The following PGR variants were observed in gnomAD, a reference collection of about 807,000 sequenced individuals.
PGR encodes the protein nuclear receptor subfamily 3 group C member 3.
PGR carries 25 observed loss-of-function variants against 76.1 expected under a neutral mutation model. That is an observed-to-expected ratio of 0.33 (90% CI 0.24 to 0.46). PGR has a LOEUF of 0.46. Ranked by LOEUF, PGR falls within the 20% of genes least tolerant of loss-of-function variation. The probability of loss-of-function intolerance (pLI) is 1.00; values close to 1 mark genes in which losing one functional copy is unlikely to be tolerated. For synonymous variants in PGR, 579 were observed against 535.0 expected (o/e 1.08, Z -1.14); for missense variants, 1,172 against 1,225.3 (o/e 0.96, Z 0.65).
chr11:101,077,119 T>A (rs982195703), intron 3 of PGR, among the ~76,000 whole-genome samples: 2 of 152,008 alleles, frequency 1.3e-5, no homozygotes. Context: ...TCCTGAACAA[T>A]CTCTGTATTT....
chr11:101,045,449 C>T (rs977394305), intron 6 of PGR, among the ~76,000 whole-genome samples: 15 of 152,128 alleles, frequency 9.9e-5, no homozygotes, highest in African/African-American at 3.4e-4. Context: ...GTCTCACCCC[C>T]CTCCTACCTT....
chr11:101,056,451 C>T (rs1565335729), intron 4 of PGR, among the ~76,000 whole-genome samples: 1 of 151,900 alleles, frequency 6.6e-6, no homozygotes, highest in Non-Finnish European at 1.5e-5. Flanking sequence ...CCAGCCAAGA[C>T]CCAGTCTCTA....
intron 4 of PGR, among the ~76,000 whole-genome samples, chr11:101,060,571 G>C (rs1334964982): frequency 6.6e-6 from 1 of 152,084 alleles, no homozygotes; most frequent in African/African-American, 2.4e-5. Context: ...TTCTATACAT[G>C]TGTCCATCCA....
In PGR at chr11:101,070,045, T is replaced by C. The variant is rs112772731; in HGVS notation, c.1907-7293A>G. On this transcript the variant is annotated intron_variant, in intron 3 of 7. Transcript: ENST00000325455. ...GTTGCTGGCTGGCAAGATGGCTGAA[T>C]AGGAATAGCTCCGGTCTGTAGCTCC... 5.7e-3 allele frequency among the ~76,000 whole-genome samples: 855 copies of C among 150,868 alleles called. 12 individuals carry two copies. Among genetic ancestry groups the C allele is most frequent in the African/African-American group, 0.019 (800 of 41,080 alleles).
chr11:101,036,702 C>A lies in PGR; in HGVS notation c.*2414G>T. On this transcript the variant is annotated 3_prime_UTR_variant, in exon 8 of 8. Transcript: ENST00000325455. ...TCCTAGTGTTTAGACATCTACATTGCAGACAGAGATCAACATCGAAGATAT... is the reference window on the plus strand; with the variant it reads ...TCCTAGTGTTTAGACATCTACATTGAAGACAGAGATCAACATCGAAGATAT... 1 of 202,222 alleles carries A rather than the reference C, an allele frequency of 4.9e-6. No individual in the cohort carries two copies. Among genetic ancestry groups the A allele is most frequent in the Non-Finnish European group, 1.0e-5 (1 of 98,234 alleles). 12.5% of individuals were successfully genotyped at this position (202,222 alleles called of 1,614,324 possible).
intron 3 of PGR, among the ~76,000 whole-genome samples, chr11:101,072,392 A>G (rs1261808625): frequency 6.6e-6 from 1 of 152,180 alleles, no homozygotes; most frequent in East Asian, 1.9e-4. Flanking sequence ...TGTAAAGACC[A>G]TCGATGCTAG....
intron 1 of PGR, 46 bp from the exon 2 acceptor site, chr11:101,126,204 C>T (rs1175374938): frequency 1.3e-6 from 2 of 1,570,222 alleles, no homozygotes; most frequent in Admixed American, 1.7e-5. Context: ...AAGTGCACCA[C>T]TATCTAATAC....
At chr11:101,048,005 T>C (rs1029094305) in intron 6 of PGR, among the ~76,000 whole-genome samples, 1 of 152,164 alleles carries the variant, frequency 6.6e-6, no homozygotes, top group African/African-American at 2.4e-5. Flanking sequence ...CCTTGGAATG[T>C]GGGTGAAAGT....
intron 3 of PGR, among the ~76,000 whole-genome samples, chr11:101,081,220 G>A (rs567050229): frequency 6.6e-6 from 1 of 152,154 alleles, no homozygotes; most frequent in East Asian, 1.9e-4. Context: ...ATGAGGTGAG[G>A]AGTTCAAGAC....
At chr11:101,087,364 T>C (rs1346220234) in intron 3 of PGR, among the ~76,000 whole-genome samples, 1 of 152,168 alleles carries the variant, frequency 6.6e-6, no homozygotes, top group Non-Finnish European at 1.5e-5. Flanking sequence ...GGTGCTGGGA[T>C]ACCTACCTAG....
At chr11:101,066,202 C>T (rs1860708433) in intron 3 of PGR, among the ~76,000 whole-genome samples, 1 of 152,152 alleles carries the variant, frequency 6.6e-6, no homozygotes, top group African/African-American at 2.4e-5. Context: ...CTCTCCTTAT[C>T]CCAACCAAAT....
chr11:101,121,188 T>C (rs1234731980), intron 2 of PGR, among the ~76,000 whole-genome samples: 1 of 152,186 alleles, frequency 6.6e-6, no homozygotes. Flanking sequence ...TTTAGGGTAA[T>C]GTGAAAGCTG....
In PGR at chr11:101,033,405, G is replaced by A. The variant is rs1051344770; in HGVS notation, c.*5711C>T. On this transcript the variant is annotated 3_prime_UTR_variant, in exon 8 of 8. Coordinates refer to ENST00000325455, the MANE Select transcript of PGR (RefSeq NM_000926.4). ...GCCCTTAGAAAAAGATAACTTAATT[G>A]TATGTAATATATTATGACCCCAAAG... 5.2e-6 allele frequency: 1 copy of A among 192,384 alleles called. No homozygotes were observed. The highest frequency in any genetic ancestry group is 6.1e-5 in the Admixed American group (1 of 16,298). 11.9% of individuals were successfully genotyped at this position (192,384 alleles called of 1,614,324 possible). A position where few individuals can be genotyped will look rare whatever the true frequency, so the allele number is the denominator to read the frequency against.
chr11:101,127,578 G>T lies in PGR; in HGVS notation c.1493C>A (p.Thr498Asn). 7.4e-7 allele frequency: 1 copy of T among 1,349,952 alleles called. No individual in the cohort carries two copies. The allele number at this position is 1,349,952 out of a possible 1,614,324, so 83.6% of individuals were successfully genotyped here. A position where few individuals can be genotyped will look rare whatever the true frequency, so the allele number is the denominator to read the frequency against. The change falls in exon 1 of 8, where the codon ACC becomes AAC. Residue 498 changes from threonine to asparagine, a missense_variant. By Grantham distance (65) the Thr-to-Asn change is moderately conservative. Coordinates refer to ENST00000325455, the MANE Select transcript of PGR (RefSeq NM_000926.4). ...CLLPRDGLPSTSASAAAAGAA... is the reference protein window; with the variant it reads ...CLLPRDGLPSNSASAAAAGAA... ...CCCGGCGGCGGCGGCAGAGGCGGAG[G>T]TGGAGGGCAGGCCGTCCCGCGGGAG...
chr11:101,119,843 A>G (rs1185320631), intron 2 of PGR, among the ~76,000 whole-genome samples: 1 of 152,218 alleles, frequency 6.6e-6, no homozygotes, highest in Non-Finnish European at 1.5e-5. Flanking sequence ...AGTCTAGGAA[A>G]ACAGCACAGA....
rs1859344287 is a variant in PGR at position 101,031,306 on chromosome 11, G to C, written c.*7810C>G. ...CAGGCATAACTAACAAGGGACTGGTGTATGGCCAGTGAGGACCTGGAGAAA... is the reference window on the plus strand; with the variant it reads ...CAGGCATAACTAACAAGGGACTGGTCTATGGCCAGTGAGGACCTGGAGAAA... On this transcript the variant is annotated 3_prime_UTR_variant, in exon 8 of 8. Coordinates refer to ENST00000325455, the MANE Select transcript of PGR (RefSeq NM_000926.4). 8.9e-6 allele frequency: 2 copies of C among 223,578 alleles called. No individual in the cohort carries two copies. Among genetic ancestry groups the C allele is most frequent in the Admixed American group, 1.1e-4 (2 of 17,442 alleles). 13.8% of individuals were successfully genotyped at this position (223,578 alleles called of 1,614,324 possible).
At position 101,029,985 on chromosome 11, in the gene PGR, T is replaced by C. The variant is rs1046982; in HGVS notation, c.*9131A>G. ...AGATGAAAGGACAGTTTCACCTTCT[T>C]GGCAAAAACCTTCAGAACAATTGTC... On this transcript the variant is annotated 3_prime_UTR_variant, in exon 8 of 8. Transcript: ENST00000325455. The C allele has an allele frequency of 0.23, 51,743 of 224,112 alleles. 8,970 individuals carry two copies. The highest frequency in any genetic ancestry group is 0.74 in the East Asian group (11,382 of 15,386). The allele number at this position is 224,112 out of a possible 1,614,324, so 13.9% of individuals were successfully genotyped here.
intron 6 of PGR, among the ~76,000 whole-genome samples, chr11:101,046,390 C>G (rs1859888811): frequency 7.0e-6 from 1 of 143,180 alleles, no homozygotes; most frequent in Non-Finnish European, 1.5e-5. Flanking sequence ...TGGGTTCAAG[C>G]CATCTGCCCA....
At position 101,030,988 on chromosome 11, in the gene PGR, C is replaced by CT. The variant is rs1289334207; in HGVS notation, c.*8127dup. ...AAAGGGAAGTCCAGGAAGATCAAGCCTTTTATGCTTGCCTGTAAAGTCTGC... is the reference window on the plus strand; with the variant it reads ...AAAGGGAAGTCCAGGAAGATCAAGCCTTTTTATGCTTGCCTGTAAAGTCTGC... On this transcript the variant is annotated 3_prime_UTR_variant, in exon 8 of 8. Transcript: ENST00000325455. 1.1e-5 allele frequency: 2 copies of CT among 188,236 alleles called. No individual in the cohort carries two copies. The highest frequency in any genetic ancestry group is 2.2e-5 in the Non-Finnish European group (2 of 89,424). 11.7% of individuals were successfully genotyped at this position (188,236 alleles called of 1,614,324 possible). A position where few individuals can be genotyped will look rare whatever the true frequency, so the allele number is the denominator to read the frequency against.
Sources: gnomAD v4.1 joint callset for allele counts (sites outside exome capture counted in the v4.1 genomes callset) on GRCh38, gnomAD v4.1.1 for gene constraint, MANE v1.5 for transcripts, NCBI Gene and HGNC (gene_info 2026-07-23, HGNC 2026-07-21) for gene names.